The following KCNMB2 variants were observed in gnomAD, a reference collection of about 807,000 sequenced individuals.
The protein encoded by KCNMB2 is calcium-activated potassium channel subunit beta-2.
Under a neutral mutation model 24.5 loss-of-function variants are expected in KCNMB2, and 9 were observed. The observed-to-expected ratio is 0.37, with a 90% confidence interval of 0.22 to 0.64. KCNMB2 has a LOEUF of 0.64. Ranked by LOEUF, KCNMB2 falls within the 30% of genes least tolerant of loss-of-function variation. KCNMB2 has a pLI of 0.63. For synonymous variants in KCNMB2, 109 were observed against 104.4 expected (o/e 1.04, Z -0.27); for missense variants, 226 against 284.3 (o/e 0.79, Z 1.47).
At chr3:178,824,187 G>A (rs1370450606) in intron 2 of KCNMB2, among the ~76,000 whole-genome samples, 1 of 152,020 alleles carries the variant, frequency 6.6e-6, no homozygotes. Flanking sequence ...TCCAGACCTG[G>A]TTTCAAATCC....
At chr3:178,575,346 G>C (rs1161433044) in intron 1 of KCNMB2, among the ~76,000 whole-genome samples, 1 of 152,088 alleles carries the variant, frequency 6.6e-6, no homozygotes, top group Non-Finnish European at 1.5e-5. Context: ...AATATACCAA[G>C]ACTGCTAAGT....
At chr3:178,820,260 C>T (rs191819493) in intron 2 of KCNMB2, among the ~76,000 whole-genome samples, 5 of 152,314 alleles carry the variant, frequency 3.3e-5, no homozygotes, top group Admixed American at 1.3e-4. Context: ...AGCAAGTTGG[C>T]CCTTGGCGTA....
chr3:178,772,414 T>G (rs891897839), intron 1 of KCNMB2, among the ~76,000 whole-genome samples: 2 of 152,292 alleles, frequency 1.3e-5, no homozygotes, highest in Admixed American at 6.5e-5. Context: ...GTCTTTCCCA[T>G]GCTATTCTCA....
At chr3:178,700,360 A>G (rs778726887) in intron 1 of KCNMB2, among the ~76,000 whole-genome samples, 5 of 152,228 alleles carry the variant, frequency 3.3e-5, no homozygotes, top group Non-Finnish European at 5.9e-5. Context: ...TTTTAAGCCT[A>G]AAGGCTTAAT....
In KCNMB2 at chr3:178,746,121, G is replaced by C. The variant is rs113357756; in HGVS notation, c.-67-61222G>C. On this transcript the variant is annotated intron_variant, in intron 1 of 4. Transcript: ENST00000452583. ...AACATTTCCCTTCTGCATTGCCCTAGCAGAGGTTCTCCATGAAAGCCCCAC... is the reference window on the plus strand; with the variant it reads ...AACATTTCCCTTCTGCATTGCCCTACCAGAGGTTCTCCATGAAAGCCCCAC... 3.8e-4 allele frequency among the ~76,000 whole-genome samples: 58 copies of C among 152,322 alleles called. 1 individual carries two copies. The highest frequency in any genetic ancestry group is 1.4e-3 in the African/African-American group (57 of 41,566).
At chr3:178,662,481 C>G (rs1330959176) in intron 1 of KCNMB2, among the ~76,000 whole-genome samples, 1 of 152,070 alleles carries the variant, frequency 6.6e-6, no homozygotes, top group Non-Finnish European at 1.5e-5. Context: ...AGGATGAAGA[C>G]TATATACAAA....
intron 1 of KCNMB2, among the ~76,000 whole-genome samples, chr3:178,555,292 C>T (rs144276582): frequency 6.6e-6 from 1 of 152,340 alleles, no homozygotes; most frequent in East Asian, 1.9e-4. Context: ...GTGCCGCCAG[C>T]TCCTGTTGTA....
intron 1 of KCNMB2, among the ~76,000 whole-genome samples, chr3:178,546,474 A>G (rs1481855991): frequency 1.3e-5 from 2 of 152,220 alleles, no homozygotes; most frequent in African/African-American, 4.8e-5. Flanking sequence ...GAAAATTAAT[A>G]AACAAGATAA....
chr3:178,578,072 AT>A (rs1478816093), intron 1 of KCNMB2, among the ~76,000 whole-genome samples: 2 of 152,194 alleles, frequency 1.3e-5, no homozygotes, highest in Non-Finnish European at 2.9e-5. Flanking sequence ...AAGACACGTA[AT>A]TGTCAGATTC....
At chr3:178,826,257 C>T (rs897727582) in intron 3 of KCNMB2, among the ~76,000 whole-genome samples, 8 of 152,114 alleles carry the variant, frequency 5.3e-5, no homozygotes, top group Admixed American at 5.2e-4. Flanking sequence ...TCCCCAGAAA[C>T]TCTTAAAAAT....
chr3:178,580,052 C>G (rs953671023), intron 1 of KCNMB2, among the ~76,000 whole-genome samples: 1 of 152,130 alleles, frequency 6.6e-6, no homozygotes, highest in Admixed American at 6.5e-5. Context: ...AAAAACCTGG[C>G]AGACACAAAA....
intron 1 of KCNMB2, among the ~76,000 whole-genome samples, chr3:178,631,519 G>A (rs187259905): frequency 3.7e-4 from 57 of 152,340 alleles, no homozygotes; most frequent in East Asian, 2.1e-3. Context: ...GCTGCCCATG[G>A]TTAGGCCCAA....
chr3:178,696,912 G>A (rs1449357979), intron 1 of KCNMB2, among the ~76,000 whole-genome samples: 1 of 152,068 alleles, frequency 6.6e-6, no homozygotes, highest in East Asian at 1.9e-4. Flanking sequence ...GTAATTGCAT[G>A]GTTTTGAGTG....
intron 1 of KCNMB2, among the ~76,000 whole-genome samples, chr3:178,608,560 T>G (rs1010807917): frequency 3.3e-5 from 5 of 152,202 alleles, no homozygotes; most frequent in African/African-American, 4.8e-5. Flanking sequence ...TATTTTAAAA[T>G]GTACAATTAA....
rs371592524 is a variant in KCNMB2 at position 178,785,062 on chromosome 3, CA to C, written c.-67-22277del. Among the ~76,000 whole-genome samples, 171 of 151,500 alleles carry C rather than the reference CA, an allele frequency of 1.1e-3. 1 individual carries two copies. Among genetic ancestry groups the C allele is most frequent in the African/African-American group, 3.8e-3 (158 of 41,358 alleles). On this transcript the variant is annotated intron_variant, in intron 1 of 4. Transcript: ENST00000452583. ...GTTAGGAATCAGGCAGAAATATGGC[CA>C]AAAGCCTTAAATGAAAAAGAATTAA...
intron 1 of KCNMB2, among the ~76,000 whole-genome samples, chr3:178,609,026 G>C (rs545115035): frequency 6.6e-6 from 1 of 152,080 alleles, no homozygotes; most frequent in Non-Finnish European, 1.5e-5. Flanking sequence ...TTGCTGGATC[G>C]TATGGCAGCT....
chr3:178,568,838 TA>T (rs764839906), intron 1 of KCNMB2, among the ~76,000 whole-genome samples: 2,504 of 78,714 alleles, frequency 0.032, 133 homozygotes, highest in East Asian at 0.051. Flanking sequence ...AGATGATAGA[TA>T]GATAGATAGA....
chr3:178,820,916 G>A (rs918733772), intron 2 of KCNMB2, among the ~76,000 whole-genome samples: 2 of 152,184 alleles, frequency 1.3e-5, no homozygotes, highest in African/African-American at 2.4e-5. Flanking sequence ...TTGTCAACAT[G>A]TGGTTCACCC....
At chr3:178,839,499 T>A (rs1715351223) in intron 4 of KCNMB2, among the ~76,000 whole-genome samples, 1 of 152,114 alleles carries the variant, frequency 6.6e-6, no homozygotes, top group South Asian at 2.1e-4. Context: ...TACAAGTGTG[T>A]ATTAATCTGT....
Sources: gnomAD v4.1 joint callset for allele counts (sites outside exome capture counted in the v4.1 genomes callset) on GRCh38, gnomAD v4.1.1 for gene constraint, MANE v1.5 for transcripts, NCBI Gene and HGNC (gene_info 2026-07-23, HGNC 2026-07-21) for gene names.